The following ME2 variants were observed in gnomAD, a reference collection of about 807,000 sequenced individuals.
ME2 encodes NAD-dependent malic enzyme, mitochondrial.
Under a neutral mutation model 73.7 loss-of-function variants are expected in ME2, and 60 were observed. That is an observed-to-expected ratio of 0.81 (90% CI 0.66 to 1.01). The LOEUF (loss-of-function observed/expected upper bound fraction) is 1.01, where lower values mean the gene tolerates loss of function less well. Ranked by LOEUF, ME2 falls within the 50% of genes least tolerant of loss-of-function variation. The probability of loss-of-function intolerance (pLI) is 0.00; values close to 1 mark genes in which losing one functional copy is unlikely to be tolerated. For missense variants in ME2, 594 were observed against 705.5 expected (o/e 0.84, Z 1.79); for synonymous variants, 199 against 236.9 (o/e 0.84, Z 1.47).
chr18:50,919,371 T>G (rs1917365977), intron 7 of ME2, among the ~76,000 whole-genome samples: 1 of 152,208 alleles, frequency 6.6e-6, no homozygotes, highest in Admixed American at 6.5e-5. Context: ...TAGAAGATAT[T>G]TAAACATTAA....
chr18:50,914,529 T>C (rs1283543788), intron 4 of ME2, among the ~76,000 whole-genome samples: 1 of 152,212 alleles, frequency 6.6e-6, no homozygotes, highest in Non-Finnish European at 1.5e-5. Flanking sequence ...TGCATTGTGC[T>C]ATGGGTTTTT....
intron 4 of ME2, among the ~76,000 whole-genome samples, chr18:50,914,019 C>G (rs185563989): frequency 6.6e-6 from 1 of 152,166 alleles, no homozygotes; most frequent in African/African-American, 2.4e-5. Context: ...AGTCTCCTGT[C>G]GCCTTGTCTA....
rs536568758 is a variant in ME2 at position 50,947,446 on chromosome 18, A to T, written c.*262A>T. 1 of 382,994 alleles carries T rather than the reference A, an allele frequency of 2.6e-6. No homozygotes were observed. The highest frequency in any genetic ancestry group is 2.0e-5 in the African/African-American group (1 of 49,100). 23.7% of individuals were successfully genotyped at this position (382,994 alleles called of 1,614,324 possible). ...CGTACCACATCCAGGAGATGTAAAA[A>T]GTGTGTTTGTGAATGTCTTCACTTG... is the stretch of plus-strand genomic sequence containing the variant. On this transcript the variant is annotated 3_prime_UTR_variant, in exon 16 of 16. Transcript: ENST00000321341.
intron 1 of ME2, among the ~76,000 whole-genome samples, chr18:50,890,897 G>A (rs1916592940): frequency 6.6e-6 from 1 of 152,160 alleles, no homozygotes; most frequent in South Asian, 2.1e-4. Flanking sequence ...GCATGGCCAG[G>A]AGGCACTGCT....
At chr18:50,915,546 G>A (rs573509708) in intron 4 of ME2, 2 of 152,130 alleles carry the variant, frequency 1.3e-5, no homozygotes, top group Admixed American at 6.5e-5. Flanking sequence ...TACTGGTAAG[G>A]CTTCTGGTCA....
chr18:50,926,221 TC>T (rs1282413830), intron 12 of ME2, among the ~76,000 whole-genome samples: 1 of 152,204 alleles, frequency 6.6e-6, no homozygotes, highest in East Asian at 1.9e-4. Flanking sequence ...TCACTATTCT[TC>T]CTGCAAGTGC....
rs202143574 is a variant in ME2, at chr18:50,931,682, C to CTT, written c.1315-567_1315-566dup. 1.0e-4 allele frequency among the ~76,000 whole-genome samples: 14 copies of CTT among 138,362 alleles called. No individual in the cohort carries two copies. The East Asian group carries it at 2.7e-3, about 27-fold the overall frequency. 90.8% of individuals were successfully genotyped at this position (138,362 alleles called of 152,430 possible). Reference sequence around the variant, plus strand: ...TTAAATTTCTTTTTTTTTTCTTTTTCTTTTTTTTTTGAGATGGAGTCTCGC... The same window carrying CTT: ...TTAAATTTCTTTTTTTTTTCTTTTTCTTTTTTTTTTTTGAGATGGAGTCTCGC... On this transcript the variant is annotated intron_variant, in intron 12 of 15. Transcript: ENST00000321341.
intron 4 of ME2, among the ~76,000 whole-genome samples, chr18:50,915,089 CCCT>C (rs57668604): frequency 0.15 from 23,102 of 150,332 alleles, 2,783 homozygotes; most frequent in African/African-American, 0.34. Context: ...GAAGACCAAC[CCCT>C]CCTCCTCCTC....
chr18:50,939,018 G>A (rs960498287), intron 13 of ME2: 29 of 151,310 alleles, frequency 1.9e-4, no homozygotes, highest in African/African-American at 6.8e-4. Flanking sequence ...ACTATATTGG[G>A]AAGAAGAAAG....
At chr18:50,903,280 A>G (rs1916933882) in intron 2 of ME2, among the ~76,000 whole-genome samples, 1 of 152,232 alleles carries the variant, frequency 6.6e-6, no homozygotes, top group Non-Finnish European at 1.5e-5. Context: ...AAATTTAAGA[A>G]CTTAATCAAC....
At chr18:50,938,005 G>GTTATGAAA (rs910435417) in intron 13 of ME2, among the ~76,000 whole-genome samples, 8 of 152,152 alleles carry the variant, frequency 5.3e-5, no homozygotes, top group African/African-American at 1.9e-4. Context: ...AAGGCACAGT[G>GTTATGAAA]TTATGAAATT....
chr18:50,893,151 A>AAAAAAAAAAAAAAAC (rs1916649164), intron 1 of ME2, among the ~76,000 whole-genome samples: 1 of 143,284 alleles, frequency 7.0e-6, no homozygotes, highest in Non-Finnish European at 1.5e-5. Context: ...AAAAAAAAAA[A>AAAAAAAAAAAAAAAC]ACACCTTTAA....
chr18:50,939,285 G>A (rs890642860), intron 13 of ME2: 1 of 264,458 alleles, frequency 3.8e-6, no homozygotes, highest in South Asian at 6.2e-5. Flanking sequence ...GCTGGGAACT[G>A]GAGTTAAAAC....
chr18:50,939,506 A>G, intron 13 of ME2, 64 bp from the exon 14 acceptor site: 1 of 1,130,356 alleles, frequency 8.8e-7, no homozygotes, highest in Non-Finnish European at 1.3e-6. Flanking sequence ...GCCTGAATAT[A>G]GGAATTTACT....
intron 2 of ME2, among the ~76,000 whole-genome samples, chr18:50,907,172 G>A (rs1010903091): frequency 1.3e-5 from 2 of 152,084 alleles, no homozygotes; most frequent in Admixed American, 1.3e-4. Context: ...GGTCTTCCAG[G>A]GAACCACCAG....
intron 2 of ME2, 78 bp downstream of exon 2, chr18:50,896,006 C>T: frequency 9.9e-7 from 1 of 1,007,506 alleles, no homozygotes; most frequent in South Asian, 1.4e-5. Flanking sequence ...TAAGGTGTGA[C>T]ATATTTTTGT....
chr18:50,890,394 A>G (rs528762710), intron 1 of ME2, among the ~76,000 whole-genome samples: 1 of 152,294 alleles, frequency 6.6e-6, no homozygotes, highest in East Asian at 1.9e-4. Context: ...GATTCCAGGC[A>G]TGCACCACTG....
chr18:50,925,305 C>G (rs1398797033), intron 11 of ME2, among the ~76,000 whole-genome samples: 5 of 152,020 alleles, frequency 3.3e-5, no homozygotes, highest in African/African-American at 9.7e-5. Flanking sequence ...ATGGCAAAAC[C>G]CCATCTCTAC....
In ME2 at chr18:50,950,720, C is replaced by G. The variant is rs1251314280; in HGVS notation, c.*3536C>G. 2 of 152,000 alleles carry G rather than the reference C, an allele frequency of 1.3e-5. No homozygotes were observed. The highest frequency in any genetic ancestry group is 2.9e-5 in the Non-Finnish European group (2 of 68,090). 9.4% of individuals were successfully genotyped at this position (152,000 alleles called of 1,614,324 possible). A position where few individuals can be genotyped will look rare whatever the true frequency, so the allele number is the denominator to read the frequency against. On this transcript the variant is annotated 3_prime_UTR_variant, in exon 16 of 16. Coordinates refer to ENST00000321341, the MANE Select transcript of ME2 (RefSeq NM_002396.5). The stretch of plus-strand genomic sequence containing the variant: ...CCTGGGCTGGTCTCGAACTCCTGAC[C>G]TCAAGTGATCCAACCACCTCAGCCT...
Sources: allele counts gnomAD v4.1 joint callset (sites outside exome capture counted in the v4.1 genomes callset), GRCh38; gene constraint gnomAD v4.1.1; transcripts MANE v1.5; gene names NCBI Gene and HGNC (gene_info 2026-07-23, HGNC 2026-07-21).